MFHAS1: variants seen among roughly 807,000 people sequenced by gnomAD.
MFHAS1 encodes the protein multifunctional ROCO family signaling regulator 1.
MFHAS1 carries 50 observed loss-of-function variants against 70.4 expected under a neutral mutation model. The ratio of observed to expected loss-of-function variants is 0.71; its 90% CI spans 0.57 to 0.90. The LOEUF (loss-of-function observed/expected upper bound fraction) is 0.90, where lower values mean the gene tolerates loss of function less well. Among genes scored for constraint, MFHAS1 ranks in the 40% least tolerant of loss-of-function variants. MFHAS1 has a pLI of 0.00. For synonymous variants in MFHAS1, 952 were observed against 620.0 expected, an observed-to-expected ratio of 1.54 and a Z score of -7.96; for missense variants, 1,795 against 1,347.6, an observed-to-expected ratio of 1.33 and a Z score of -5.20.
intron 1 of MFHAS1, among the ~76,000 whole-genome samples, chr8:8,883,931 C>G (rs568576473): frequency 4.2e-4 from 64 of 151,690 alleles, no homozygotes; most frequent in African/African-American, 1.5e-3. Context: ...GGTATGGTGG[C>G]TCACGCCTCT....
At chr8:8,786,795 C>T (rs1407314548) in intron 2 of MFHAS1, among the ~76,000 whole-genome samples, 5 of 151,708 alleles carry the variant, frequency 3.3e-5, no homozygotes, top group Non-Finnish European at 4.4e-5. Flanking sequence ...AATCCCCCAT[C>T]TCTCATTAGG....
Position 8,892,526 on chromosome 8 carries a change from G to C in MFHAS1, c.533C>G (p.Ser178Cys). 2 of 1,597,382 alleles carry C rather than the reference G, an allele frequency of 1.3e-6. No individual in the cohort carries two copies. Among genetic ancestry groups the C allele is most frequent in the Non-Finnish European group, 8.5e-7 (1 of 1,172,156 alleles). Residue 178 changes from serine to cysteine, a missense_variant, in exon 1 of 3, where the codon TCC becomes TGC. Transcript: ENST00000276282. This position sits in a 1 kb window ranked among gnomAD's most constrained non-coding sequence, Gnocchi z 4.7. ...NRLAHLPDSL[S>C]CLSRLRTLDV... Reference sequence around the variant, plus strand: ...CAGGGTGCGCAGGCGGGAGAGGCAGGAGAGGGAGTCAGGCAGGTGCGCCAG... The same window carrying C: ...CAGGGTGCGCAGGCGGGAGAGGCAGCAGAGGGAGTCAGGCAGGTGCGCCAG...
chr8:8,822,673 G>A (rs1241660731), intron 1 of MFHAS1, among the ~76,000 whole-genome samples: 1 of 147,994 alleles, frequency 6.8e-6, no homozygotes, highest in African/African-American at 2.5e-5. Context: ...GGACTGAGAC[G>A]GGGACAGGGA....
intron 1 of MFHAS1, among the ~76,000 whole-genome samples, chr8:8,868,109 G>T (rs1293770869): frequency 2.0e-5 from 3 of 151,896 alleles, no homozygotes; most frequent in Non-Finnish European, 4.4e-5. Context: ...CCATTTTCTA[G>T]ACCAAGTTCC....
chr8:8,801,935 T>C (rs1014037404), intron 1 of MFHAS1, among the ~76,000 whole-genome samples: 2 of 152,048 alleles, frequency 1.3e-5, no homozygotes, highest in African/African-American at 2.4e-5. Flanking sequence ...GACTTCAGAG[T>C]GGGGAACACT....
intron 1 of MFHAS1, among the ~76,000 whole-genome samples, chr8:8,871,309 G>C (rs1442026323): frequency 6.6e-6 from 1 of 152,178 alleles, no homozygotes; most frequent in Non-Finnish European, 1.5e-5. Flanking sequence ...CAGCACTCTG[G>C]GAGGCCGAGG....
intron 1 of MFHAS1, among the ~76,000 whole-genome samples, chr8:8,847,040 T>G (rs1808062155): frequency 6.6e-6 from 1 of 152,066 alleles, no homozygotes; most frequent in Non-Finnish European, 1.5e-5. Context: ...ACATCCCTCC[T>G]CCAAACACAC....
intron 2 of MFHAS1, among the ~76,000 whole-genome samples, chr8:8,788,257 A>G (rs1020150976): frequency 6.6e-6 from 1 of 152,270 alleles, no homozygotes; most frequent in African/African-American, 2.4e-5. Flanking sequence ...ACCCGGCCCA[A>G]TGCCTACTAG....
chr8:8,793,230 A>G (rs978755481), intron 2 of MFHAS1, among the ~76,000 whole-genome samples: 1 of 152,242 alleles, frequency 6.6e-6, no homozygotes, highest in African/African-American at 2.4e-5. Context: ...CCCATGGGGG[A>G]ATAAAATGTC....
chr8:8,814,473 G>A (rs553249980), intron 1 of MFHAS1, among the ~76,000 whole-genome samples: 1 of 152,246 alleles, frequency 6.6e-6, no homozygotes, highest in Admixed American at 6.5e-5. Flanking sequence ...GCGCCCAAGG[G>A]TGCGTTTCTC....
intron 1 of MFHAS1, among the ~76,000 whole-genome samples, chr8:8,842,418 T>G (rs1585046636): frequency 6.6e-6 from 1 of 152,144 alleles, no homozygotes; most frequent in East Asian, 1.9e-4. Context: ...ACTCCTGACT[T>G]CAGGAGATCC....
chr8:8,838,246 G>A (rs530943269), intron 1 of MFHAS1, among the ~76,000 whole-genome samples: 1 of 152,308 alleles, frequency 6.6e-6, no homozygotes, highest in East Asian at 1.9e-4. Context: ...GTTGCCTGAG[G>A]CTGGCATGAG....
intron 1 of MFHAS1, among the ~76,000 whole-genome samples, chr8:8,837,271 G>C (rs771319460): frequency 1.3e-5 from 2 of 152,152 alleles, no homozygotes; most frequent in African/African-American, 4.8e-5. Context: ...GGGCTTTCAA[G>C]TCCAAATATT....
At chr8:8,880,637 G>A (rs1481289680) in intron 1 of MFHAS1, among the ~76,000 whole-genome samples, 2 of 151,868 alleles carry the variant, frequency 1.3e-5, no homozygotes, top group Non-Finnish European at 2.9e-5. Flanking sequence ...GCAATAGGCT[G>A]GGTGCTGGGG....
intron 1 of MFHAS1, among the ~76,000 whole-genome samples, chr8:8,832,574 A>C (rs73504221): frequency 0.087 from 13,235 of 151,700 alleles, 849 homozygotes; most frequent in South Asian, 0.18. Flanking sequence ...TGCAATTAAA[A>C]TGACTGACAA....
intron 1 of MFHAS1, among the ~76,000 whole-genome samples, chr8:8,865,276 CAAAAA>C (rs35910015): frequency 1.5e-5 from 1 of 64,672 alleles, no homozygotes. Context: ...GACTCCATCT[CAAAAA>C]AAAAAAAAAA....
At chr8:8,815,384 T>G (rs10092552) in intron 1 of MFHAS1, among the ~76,000 whole-genome samples, 21,279 of 152,138 alleles carry the variant, frequency 0.14, 2,210 homozygotes, top group African/African-American at 0.29. Context: ...ATATACCCAG[T>G]AATGGAATTG....
At position 8,796,692 on chromosome 8, in the gene MFHAS1, A is replaced by C. The variant is rs1405466541; in HGVS notation, c.3125+673T>G. Among the ~76,000 whole-genome samples, 57 of 133,612 alleles carry C rather than the reference A, an allele frequency of 4.3e-4. 6 individuals are homozygous for C. The highest frequency in any genetic ancestry group is 1.4e-3 in the African/African-American group (51 of 35,860). The allele number at this position is 133,612 out of a possible 152,430, so 87.7% of individuals were successfully genotyped here. ...GAGCAAGACTCCGTCTCAAAACAAA[A>C]AAAAAAAAAAAGGCAAAAAAAGGCC... On this transcript the variant is annotated intron_variant, in intron 2 of 2. Transcript: ENST00000276282.
intron 1 of MFHAS1, among the ~76,000 whole-genome samples, chr8:8,819,390 G>C: frequency 6.6e-6 from 1 of 152,082 alleles, no homozygotes; most frequent in Non-Finnish European, 1.5e-5. Flanking sequence ...CGGATCACGA[G>C]GTCAGGAGAT....
Sources: gnomAD v4.1 joint callset for allele counts (sites outside exome capture counted in the v4.1 genomes callset) on GRCh38, gnomAD v4.1.1 for gene constraint, Gnocchi (gnomAD v3.1) non-coding constraint, MANE v1.5 for transcripts, NCBI Gene and HGNC (gene_info 2026-07-23, HGNC 2026-07-21) for gene names.